The following ARHGAP24 variants were observed in gnomAD, a reference collection of about 807,000 sequenced individuals.
The protein encoded by ARHGAP24 is Rho GTPase activating protein 24.
A neutral mutation model predicts 76.4 loss-of-function variants in ARHGAP24; 50 were observed. The observed-to-expected ratio is 0.65, with a 90% CI of 0.52 to 0.83. The LOEUF is 0.83. ARHGAP24 is among the 40% of genes least tolerant of loss of function. ARHGAP24 has a pLI of 0.00. For missense variants in ARHGAP24, 930 were observed against 914.2 expected, an observed-to-expected ratio of 1.02 and a Z score of -0.22; for synonymous variants, 345 against 323.3, an observed-to-expected ratio of 1.07 and a Z score of -0.72.
At chr4:85,908,474 A>G (rs1392910777) in intron 3 of ARHGAP24, among the ~76,000 whole-genome samples, 1 of 152,194 alleles carries the variant, frequency 6.6e-6, no homozygotes, top group Non-Finnish European at 1.5e-5. Context: ...CTTTGCACTA[A>G]AGTTGCTAGA....
intron 2 of ARHGAP24, among the ~76,000 whole-genome samples, chr4:85,712,178 C>T (rs533136513): frequency 6.6e-6 from 1 of 152,244 alleles, no homozygotes; most frequent in East Asian, 1.9e-4. Context: ...GATACTCTGC[C>T]TTGGGGTTCC....
At chr4:85,932,034 CT>C (rs1016784320) in intron 4 of ARHGAP24, among the ~76,000 whole-genome samples, 4 of 151,128 alleles carry the variant, frequency 2.6e-5, no homozygotes, top group Admixed American at 6.6e-5. Flanking sequence ...ACAGTGGGAA[CT>C]TTTTTTTTAA....
intron 3 of ARHGAP24, among the ~76,000 whole-genome samples, chr4:85,727,066 C>G (rs1212929354): frequency 6.6e-6 from 1 of 151,862 alleles, no homozygotes; most frequent in Non-Finnish European, 1.5e-5. Flanking sequence ...TATTAAAACA[C>G]AAAATTAGCT....
chr4:85,696,433 A>G (rs1723868115), intron 2 of ARHGAP24, among the ~76,000 whole-genome samples: 1 of 152,212 alleles, frequency 6.6e-6, no homozygotes, highest in Non-Finnish European at 1.5e-5. Context: ...TATTTTTACC[A>G]TCAGAATAAG....
At chr4:85,930,173 A>G in intron 4 of ARHGAP24, 1 of 856,082 alleles carries the variant, frequency 1.2e-6, no homozygotes, top group Non-Finnish European at 1.4e-6. Flanking sequence ...ACGGAGCAGG[A>G]GGAGGGGGAG....
intron 8 of ARHGAP24, among the ~76,000 whole-genome samples, chr4:85,985,546 A>T (rs923187819): frequency 6.6e-6 from 1 of 152,150 alleles, no homozygotes; most frequent in African/African-American, 2.4e-5. Flanking sequence ...TCATACCTGG[A>T]CAATGAAATA....
At chr4:85,673,460 CTCTTT>C (rs1452942592) in intron 2 of ARHGAP24, among the ~76,000 whole-genome samples, 1 of 152,008 alleles carries the variant, frequency 6.6e-6, no homozygotes, top group African/African-American at 2.4e-5. Flanking sequence ...TCTGTGAACT[CTCTTT>C]TCTTTCTCTG....
intron 2 of ARHGAP24, among the ~76,000 whole-genome samples, chr4:85,638,989 G>A (rs897291035): frequency 1.4e-4 from 21 of 152,166 alleles, no homozygotes; most frequent in African/African-American, 4.6e-4. Context: ...ATTTTACATG[G>A]GCATGGAGCT....
At chr4:85,945,652 T>C (rs188849718) in intron 5 of ARHGAP24, among the ~76,000 whole-genome samples, 97 of 149,590 alleles carry the variant, frequency 6.5e-4, no homozygotes, top group Non-Finnish European at 1.2e-3. Context: ...CCCAGCTGCT[T>C]GGAAGGTAGA....
At chr4:85,637,367 T>C (rs532752335) in intron 2 of ARHGAP24, among the ~76,000 whole-genome samples, 2 of 152,212 alleles carry the variant, frequency 1.3e-5, no homozygotes, top group East Asian at 3.9e-4. Flanking sequence ...AAATAAAGGG[T>C]GTAGTGGAGA....
chr4:85,482,257 T>C (rs959806601), intron 1 of ARHGAP24, among the ~76,000 whole-genome samples: 3 of 152,244 alleles, frequency 2.0e-5, no homozygotes, highest in Non-Finnish European at 4.4e-5. Context: ...AAGTGAAATG[T>C]TGATGATTTT....
intron 2 of ARHGAP24, among the ~76,000 whole-genome samples, chr4:85,639,448 A>G (rs965349913): frequency 1.3e-5 from 2 of 152,152 alleles, no homozygotes; most frequent in Non-Finnish European, 2.9e-5. Flanking sequence ...GAAAAGAAGA[A>G]TAGGATTTGG....
At chr4:85,595,139 C>T (rs1560545768) in intron 2 of ARHGAP24, among the ~76,000 whole-genome samples, 1 of 152,182 alleles carries the variant, frequency 6.6e-6, no homozygotes, top group East Asian at 1.9e-4. Context: ...GAACTTCCCT[C>T]CAATCCAATA....
intron 1 of ARHGAP24, among the ~76,000 whole-genome samples, chr4:85,531,925 C>A (rs1031850400): frequency 5.9e-5 from 9 of 152,020 alleles, no homozygotes; most frequent in Admixed American, 5.2e-4. Context: ...TATTTATTAC[C>A]AACTAACACC....
chr4:85,982,927 C>T (rs1448803164), intron 8 of ARHGAP24, among the ~76,000 whole-genome samples: 3 of 152,234 alleles, frequency 2.0e-5, no homozygotes, highest in Middle Eastern at 3.4e-3. Flanking sequence ...CCTTCCCCCC[C>T]TTCTCCCAAC....
chr4:85,492,891 T>G (rs2110094462), intron 1 of ARHGAP24, among the ~76,000 whole-genome samples: 1 of 152,318 alleles, frequency 6.6e-6, no homozygotes, highest in Non-Finnish European at 1.5e-5. Flanking sequence ...GTCCTTTTTC[T>G]AGAGTAAGAG....
intron 2 of ARHGAP24, among the ~76,000 whole-genome samples, chr4:85,623,680 G>A (rs1275836178): frequency 2.0e-5 from 3 of 151,642 alleles, no homozygotes; most frequent in Non-Finnish European, 4.4e-5. Flanking sequence ...ATTACCATGG[G>A]CAGTATGGCC....
intron 5 of ARHGAP24, among the ~76,000 whole-genome samples, chr4:85,942,634 A>G (rs1001888395): frequency 3.9e-5 from 6 of 152,206 alleles, no homozygotes; most frequent in Admixed American, 6.5e-5. Flanking sequence ...TATTATGAGT[A>G]GAGATTGAAA....
chr4:85,623,440 T>G lies in ARHGAP24; in HGVS notation c.180+52719T>G, dbSNP rs891215276. ...GGCATTATTTCTGAGGGCTCTGTTC[T>G]GTTCCATTGGTCTATATCTCTGTTT... On this transcript the variant is annotated intron_variant, in intron 2 of 9. Transcript: ENST00000395184. 2.0e-5 allele frequency among the ~76,000 whole-genome samples: 3 copies of G among 152,230 alleles called. No individual in the cohort carries two copies. The East Asian group carries it at 5.8e-4, about 29-fold the overall frequency.
Sources: gnomAD v4.1 joint callset for allele counts (sites outside exome capture counted in the v4.1 genomes callset) on GRCh38, gnomAD v4.1.1 for gene constraint, MANE v1.5 for transcripts, NCBI Gene and HGNC (gene_info 2026-07-23, HGNC 2026-07-21) for gene names.